The following ARHGAP6 variants were observed in gnomAD, a reference collection of about 807,000 sequenced individuals.
ARHGAP6 encodes rho GTPase-activating protein 6.
ARHGAP6 carries 16 observed loss-of-function variants against 55.7 expected under a neutral mutation model. The ratio of observed to expected loss-of-function variants is 0.29; its 90% CI spans 0.19 to 0.44. The LOEUF is 0.44. Among genes scored for constraint, ARHGAP6 ranks in the 20% least tolerant of loss-of-function variants. The pLI is 1.00. For synonymous variants in ARHGAP6, 382 were observed against 360.9 expected, an observed-to-expected ratio of 1.06 and a Z score of -0.66; for missense variants, 698 against 808.9, an observed-to-expected ratio of 0.86 and a Z score of 1.66.
At chrX:11,577,958 G>A (rs1332586350) in intron 1 of ARHGAP6, among the ~76,000 whole-genome samples, 1 of 111,484 alleles carries the variant, frequency 9.0e-6, no homozygotes, top group Non-Finnish European at 1.9e-5. Context: ...CGTCTTGAGG[G>A]ACCACTTCTA....
At chrX:11,462,665 C>T (rs2050256653) in intron 1 of ARHGAP6, among the ~76,000 whole-genome samples, 1 of 112,259 alleles carries the variant, frequency 8.9e-6, no homozygotes, top group Non-Finnish European at 1.9e-5. Context: ...TTCTCCAAAT[C>T]TTAGAAAGCA....
chrX:11,326,189 C>A (rs1175239134), intron 1 of ARHGAP6, among the ~76,000 whole-genome samples: 1 of 106,709 alleles, frequency 9.4e-6, no homozygotes, highest in African/African-American at 3.4e-5. Flanking sequence ...AGTGCAATGG[C>A]ATGATCTCGG....
intron 3 of ARHGAP6, among the ~76,000 whole-genome samples, chrX:11,190,086 T>C (rs1317101804): frequency 8.9e-6 from 1 of 111,787 alleles, no homozygotes; most frequent in Non-Finnish European, 1.9e-5. Flanking sequence ...AGAAAGAGAC[T>C]TTAAAAGGTT....
intron 1 of ARHGAP6, among the ~76,000 whole-genome samples, chrX:11,601,925 T>G (rs966774986): frequency 1.8e-5 from 2 of 111,082 alleles, no homozygotes; most frequent in Non-Finnish European, 3.8e-5. Context: ...AAATGGCGAG[T>G]AAGTACAAAA....
chrX:11,468,661 A>C (rs2050319307), intron 1 of ARHGAP6, among the ~76,000 whole-genome samples: 1 of 112,640 alleles, frequency 8.9e-6, no homozygotes, highest in Admixed American at 9.4e-5. Context: ...ATCTGAAATG[A>C]CTTCTAGAAA....
chrX:11,425,799 T>A (rs2049872723), intron 1 of ARHGAP6, among the ~76,000 whole-genome samples: 1 of 112,033 alleles, frequency 8.9e-6, no homozygotes, highest in Non-Finnish European at 1.9e-5. Flanking sequence ...ATGAATAGAT[T>A]TTTTTAAAAT....
intron 1 of ARHGAP6, among the ~76,000 whole-genome samples, chrX:11,548,473 A>T (rs757546667): frequency 9.0e-6 from 1 of 111,056 alleles, no homozygotes; most frequent in Non-Finnish European, 1.9e-5. Flanking sequence ...TTGGCTCAAA[A>T]TTTTTTTAGC....
At chrX:11,256,319 G>C (rs998126130) in intron 1 of ARHGAP6, among the ~76,000 whole-genome samples, 1 of 111,940 alleles carries the variant, frequency 8.9e-6, no homozygotes, top group East Asian at 2.8e-4. Context: ...AACCTGGGAG[G>C]GGGAGGTTGC....
At position 11,641,473 on chromosome X, in the gene ARHGAP6, A is replaced by G. The variant is rs774682040; in HGVS notation, c.588+22768T>C. Among the ~76,000 whole-genome samples the G allele has an allele frequency of 1.9e-4, 21 of 111,811 alleles. No homozygotes were observed. The South Asian group carries it at 6.7e-3, about 36-fold the overall frequency. ...TATCTCAAAGTCTCAACATTTAAGG[A>G]TAACCTTTTCTTTGTGATATGCTAA... is the stretch of plus-strand genomic sequence containing the variant. On this transcript the variant is annotated intron_variant, in intron 1 of 12. Transcript: ENST00000337414.
At chrX:11,539,793 C>CA (rs1330877622) in intron 1 of ARHGAP6, among the ~76,000 whole-genome samples, 1 of 111,885 alleles carries the variant, frequency 8.9e-6, no homozygotes, top group East Asian at 2.8e-4. Flanking sequence ...TACAGACCTC[C>CA]AAATCGCCAG....
At chrX:11,245,278 C>G (rs919500651) in intron 2 of ARHGAP6, among the ~76,000 whole-genome samples, 1 of 111,912 alleles carries the variant, frequency 8.9e-6, no homozygotes, top group Non-Finnish European at 1.9e-5. Flanking sequence ...TCTATCGCAG[C>G]TAGACCTTAA....
At chrX:11,156,679 C>A (rs720062) in intron 9 of ARHGAP6, 53 bp from the exon 10 acceptor site, 217,201 of 939,913 alleles carry the variant, frequency 0.23, 18,245 homozygotes, top group Middle Eastern at 0.3. Context: ...AAACAGGCAA[C>A]ATATGGTCAC....
intron 1 of ARHGAP6, among the ~76,000 whole-genome samples, chrX:11,339,356 C>A (rs1300801732): frequency 2.7e-5 from 3 of 111,054 alleles, no homozygotes; most frequent in Non-Finnish European, 5.7e-5. Context: ...CGCAGGGAAG[C>A]CTTTCCTGAC....
At chrX:11,170,426 C>G (rs1216816470) in intron 8 of ARHGAP6, among the ~76,000 whole-genome samples, 1 of 112,139 alleles carries the variant, frequency 8.9e-6, no homozygotes, top group Non-Finnish European at 1.9e-5. Context: ...GTAGGGAGTT[C>G]TGCAGGAAAG....
intron 1 of ARHGAP6, among the ~76,000 whole-genome samples, chrX:11,420,257 ACGTT>A (rs1312058863): frequency 1.8e-5 from 2 of 112,304 alleles, no homozygotes. Context: ...ATCTACCTTT[ACGTT>A]TTTAAGTATT....
rs148259648 is a variant in ARHGAP6 at position 11,402,929 on chromosome X, T to C, written c.589-148222A>G. On this transcript the variant is annotated intron_variant, in intron 1 of 12. Coordinates refer to ENST00000337414, the MANE Select transcript of ARHGAP6 (RefSeq NM_013427.3). ...TTGGGAGGGTGATCACCAAAATAAA[T>C]AGGTAATTTCACTTGAACACCTTGT... is the stretch of plus-strand genomic sequence containing the variant. Among the ~76,000 whole-genome samples, 332 of 111,715 alleles carry C rather than the reference T, an allele frequency of 3.0e-3. 1 individual carries two copies. The highest frequency in any genetic ancestry group is 0.01 in the African/African-American group (318 of 30,760).
intron 1 of ARHGAP6, among the ~76,000 whole-genome samples, chrX:11,362,298 A>G (rs754973096): frequency 8.9e-6 from 1 of 111,806 alleles, no homozygotes; most frequent in African/African-American, 3.3e-5. Context: ...AATGTGGCAC[A>G]TATACACCAT....
intron 1 of ARHGAP6, among the ~76,000 whole-genome samples, chrX:11,416,243 TA>T (rs1414189425): frequency 1.8e-5 from 2 of 111,708 alleles, no homozygotes; most frequent in Non-Finnish European, 3.8e-5. Context: ...CAATGGGTGA[TA>T]CAAAGTATCT....
At chrX:11,524,605 A>G (rs111751830) in intron 1 of ARHGAP6, among the ~76,000 whole-genome samples, 11,023 of 110,582 alleles carry the variant, frequency 0.1, 687 homozygotes, top group African/African-American at 0.21. Flanking sequence ...TTGGGACTGG[A>G]TAATTCTTGG....
Sources: gnomAD v4.1 joint callset for allele counts (sites outside exome capture counted in the v4.1 genomes callset) on GRCh38, gnomAD v4.1.1 for gene constraint, MANE v1.5 for transcripts, NCBI Gene and HGNC (gene_info 2026-07-23, HGNC 2026-07-21) for gene names.